Variants in TRPM1 observed in about 807,000 individuals in gnomAD.
TRPM1 encodes transient receptor potential cation channel subfamily M member 1.
TRPM1 carries 113 observed loss-of-function variants against 149.4 expected under a neutral mutation model. The ratio of observed to expected loss-of-function variants is 0.76; its 90% CI spans 0.65 to 0.88. TRPM1 has a LOEUF of 0.88. Ranked by LOEUF, TRPM1 falls within the 40% of genes least tolerant of loss-of-function variation. The pLI, the probability that TRPM1 is intolerant of heterozygous loss-of-function variation, is 0.00. For synonymous variants in TRPM1, 741 were observed against 759.5 expected (o/e 0.98, Z 0.40); for missense variants, 1,976 against 2,038.7 (o/e 0.97, Z 0.59).
rs984940310 is a variant in TRPM1 at position 31,037,850 on chromosome 15, A to G, written c.2440-8T>C. 4 of 1,613,980 alleles carry G rather than the reference A, an allele frequency of 2.5e-6. No individual in the cohort carries two copies. The African/African-American group carries it at 5.3e-5, about 22-fold the overall frequency. On this transcript the variant is annotated splice_region_variant and splice_polypyrimidine_tract_variant and intron_variant, in intron 19 of 27. Transcript: ENST00000256552. ...AGCATCTGCATTTGCATCCTGGAAA[A>G]CAGAGCACAGCACATGACAGGCAGG...
chr15:31,133,949 G>A (rs1449341117), intron 1 of TRPM1, among the ~76,000 whole-genome samples: 2 of 152,164 alleles, frequency 1.3e-5, no homozygotes, highest in Admixed American at 6.5e-5. Flanking sequence ...AAAAGGGAAG[G>A]GAAGTCCATG....
At chr15:31,102,657 C>G (rs999114147), upstream of TRPM1, among the ~76,000 whole-genome samples, 2 of 152,214 alleles carry the variant, frequency 1.3e-5, no homozygotes, top group East Asian at 3.9e-4. Context: ...CTCACTCCCC[C>G]ACCCAATGCC....
chr15:31,153,337 A>AT (rs1015995774), intron 1 of TRPM1, among the ~76,000 whole-genome samples: 2 of 152,038 alleles, frequency 1.3e-5, no homozygotes, highest in African/African-American at 4.8e-5. Flanking sequence ...TCAGGTCTTT[A>AT]TTTTTTAGAT....
rs1244653258 is a variant in TRPM1 at position 31,068,030 on chromosome 15, C to T, written c.342G>A (p.Trp114Ter). The change falls in exon 5 of 28, where the codon TGG becomes TGA. Residue 114 changes from tryptophan (W) to a stop codon, truncating the protein, a stop_gained. Coordinates refer to ENST00000256552, the MANE Select transcript of TRPM1 (RefSeq NM_001252024.2). LOFTEE classifies it high-confidence loss of function. ...DSLLHLMVKDWQLELPKLLIS... is the reference protein window; with the variant it reads ...DSLLHLMVKD ...TTAAGAGCTTGGGGAGTTCCAGCTG[C>T]CAATCTTTCACCATGAGATGGAGCA... is the stretch of plus-strand genomic sequence containing the variant. 4 of 1,614,176 alleles carry T rather than the reference C, an allele frequency of 2.5e-6. No homozygotes were observed. The highest frequency in any genetic ancestry group is 2.5e-6 in the Non-Finnish European group (3 of 1,180,040).
intron 1 of TRPM1, among the ~76,000 whole-genome samples, chr15:31,131,457 C>T (rs1388694144): frequency 6.6e-6 from 1 of 152,196 alleles, no homozygotes; most frequent in East Asian, 1.9e-4. Flanking sequence ...AAAATGTGTG[C>T]AAGTTTTGCT....
intron 11 of TRPM1, among the ~76,000 whole-genome samples, chr15:31,057,609 T>A (rs1478114796): frequency 6.6e-6 from 1 of 152,220 alleles, no homozygotes; most frequent in African/African-American, 2.4e-5. Flanking sequence ...TAAGGTAATA[T>A]CTGTATGGCT....
In TRPM1 at chr15:31,085,351, C is replaced by T. The variant is rs77865550; in HGVS notation, c.-83-3913G>A. 6.3e-3 allele frequency among the ~76,000 whole-genome samples: 963 copies of T among 152,280 alleles called. 9 individuals are homozygous for T. Among genetic ancestry groups the T allele is most frequent in the African/African-American group, 0.022 (930 of 41,556 alleles). On this transcript the variant is annotated intron_variant, in intron 1 of 27. Transcript: ENST00000256552. The stretch of plus-strand genomic sequence containing the variant: ...ATCATTCCATCATTTAGGACATATG[C>T]ATATTTAAGCTGCAATTGCAAATAA...
chr15:31,092,722 G>C (rs915503685), intron 1 of TRPM1, among the ~76,000 whole-genome samples: 1 of 152,134 alleles, frequency 6.6e-6, no homozygotes, highest in Non-Finnish European at 1.5e-5. Context: ...ACTCAACACA[G>C]AGCCGTCTAG....
intron 2 of TRPM1, among the ~76,000 whole-genome samples, chr15:31,080,289 T>A (rs920882153): frequency 6.6e-6 from 1 of 152,200 alleles, no homozygotes. Context: ...TGGATACTTA[T>A]TAATTACAAA....
At chr15:31,121,344 G>A (rs967497864) in intron 1 of TRPM1, among the ~76,000 whole-genome samples, 4 of 151,430 alleles carry the variant, frequency 2.6e-5, no homozygotes, top group African/African-American at 4.9e-5. Flanking sequence ...AAAAATCAAT[G>A]CAGAAATCAA....
chr15:31,056,097 TA>T (rs2034077576), intron 11 of TRPM1, among the ~76,000 whole-genome samples: 2 of 151,904 alleles, frequency 1.3e-5, no homozygotes, highest in African/African-American at 4.8e-5. Context: ...GTATAAAAGC[TA>T]AAGAAAAAGT....
At chr15:31,136,338 A>G (rs1343379981) in intron 1 of TRPM1, among the ~76,000 whole-genome samples, 9 of 152,302 alleles carry the variant, frequency 5.9e-5, no homozygotes, top group East Asian at 1.9e-4. Flanking sequence ...TTGCTGTTTG[A>G]GCATGGGGAC....
chr15:31,104,950 A>T (rs1266732741), upstream of TRPM1, among the ~76,000 whole-genome samples: 2 of 152,110 alleles, frequency 1.3e-5, no homozygotes, highest in East Asian at 3.9e-4. Context: ...GCTGGAATTC[A>T]TCCATAAATA....
rs1230306184 is a variant in TRPM1 at position 31,001,095 on chromosome 15, A to T, written c.*727T>A. ...ATTGGATACTTTATTTTTGCACATT[A>T]ACAAAACTCTAGGTCACCCTAAATT... is the stretch of plus-strand genomic sequence containing the variant. On this transcript the variant is annotated 3_prime_UTR_variant, in exon 28 of 28. Transcript: ENST00000256552. 6.6e-6 allele frequency: 1 copy of T among 152,238 alleles called. No homozygotes were observed. Among genetic ancestry groups the T allele is most frequent in the Non-Finnish European group, 1.5e-5 (1 of 68,054 alleles). 9.4% of individuals were successfully genotyped at this position (152,238 alleles called of 1,614,324 possible).
At position 31,040,759 on chromosome 15, in the gene TRPM1, G is replaced by A. The variant is rs2033588485; in HGVS notation, c.2088-413C>T. Among the ~76,000 whole-genome samples the A allele has an allele frequency of 6.6e-6, 1 of 152,202 alleles. No individual in the cohort carries two copies. Among genetic ancestry groups the A allele is most frequent in the Non-Finnish European group, 1.5e-5 (1 of 68,028 alleles). On this transcript the variant is annotated intron_variant, in intron 17 of 27. Coordinates refer to ENST00000256552, the MANE Select transcript of TRPM1 (RefSeq NM_001252024.2). The surrounding 1 kb of genome is among the most constrained non-coding windows in gnomAD (Gnocchi z 4.2). ...CACAGTAGCGGGGCTGCTGGTGGTG[G>A]TGGTGGCGGGAGGTGGACACTGAAA...
At chr15:31,057,634 G>T (rs2034119173) in intron 11 of TRPM1, among the ~76,000 whole-genome samples, 1 of 152,158 alleles carries the variant, frequency 6.6e-6, no homozygotes, top group African/African-American at 2.4e-5. Context: ...CTTGGAAAGA[G>T]TGCAATAATT....
At chr15:31,006,678 C>T (rs1006406380) in intron 27 of TRPM1, among the ~76,000 whole-genome samples, 8 of 152,198 alleles carry the variant, frequency 5.3e-5, no homozygotes, top group Admixed American at 2.6e-4. Context: ...GTATGTTTAA[C>T]TTTATAAGCA....
chr15:31,032,874 T>G lies in TRPM1; in HGVS notation c.2767A>C (p.Ile923Leu). 6.2e-7 allele frequency: 1 copy of G among 1,614,250 alleles called. No individual in the cohort carries two copies. Residue 923 changes from isoleucine (I) to leucine (L), a missense_variant, in exon 22 of 28, where the codon ATC (isoleucine) becomes CTC (leucine). Ile to Leu is a conservative substitution (Grantham distance 5). Transcript: ENST00000256552. ...IKVWLQEYWNITDLVAISTFM... is the reference protein window; with the variant it reads ...IKVWLQEYWNLTDLVAISTFM... Reference sequence around the variant, plus strand: ...GTGGAAATGGCCACGAGATCTGTGATGTTCCAGTACTCCTGAAGCCAAACT... The same window carrying G: ...GTGGAAATGGCCACGAGATCTGTGAGGTTCCAGTACTCCTGAAGCCAAACT...
rs996249578 is a variant in TRPM1 at position 31,001,103 on chromosome 15, T to C, written c.*719A>G. 6.6e-6 allele frequency: 1 copy of C among 152,198 alleles called. No individual in the cohort carries two copies. The highest frequency in any genetic ancestry group is 6.5e-5 in the Admixed American group (1 of 15,276). The allele number at this position is 152,198 out of a possible 1,614,324, so 9.4% of individuals were successfully genotyped here. A position where few individuals can be genotyped will look rare whatever the true frequency, so the allele number is the denominator to read the frequency against. ...CTTTATTTTTGCACATTAACAAAAC[T>C]CTAGGTCACCCTAAATTATTAGAGT... On this transcript the variant is annotated 3_prime_UTR_variant, in exon 28 of 28. Coordinates refer to ENST00000256552, the MANE Select transcript of TRPM1 (RefSeq NM_001252024.2).
Sources: allele counts gnomAD v4.1 joint callset (sites outside exome capture counted in the v4.1 genomes callset), GRCh38; gene constraint gnomAD v4.1.1; non-coding constraint Gnocchi (gnomAD v3.1); transcripts MANE v1.5; gene names NCBI Gene and HGNC (gene_info 2026-07-23, HGNC 2026-07-21).